The following PRIM2 variants were observed in gnomAD, a reference collection of about 807,000 sequenced individuals.
PRIM2 encodes DNA primase subunit 2, also known as DNA primase large subunit.
A neutral mutation model predicts 67.3 loss-of-function variants in PRIM2; 39 were observed. The observed-to-expected ratio is 0.58, with a 90% CI of 0.45 to 0.76. PRIM2 has a LOEUF of 0.76. PRIM2 is among the 30% of genes least tolerant of loss of function. PRIM2 has a pLI of 0.00. For synonymous variants in PRIM2, 143 were observed against 198.7 expected (o/e 0.72, Z 2.36); for missense variants, 398 against 598.7 (o/e 0.66, Z 3.50).
At chr6:57,488,570 C>T (rs1415297905) in intron 7 of PRIM2, among the ~76,000 whole-genome samples, 70 of 152,310 alleles carry the variant, frequency 4.6e-4, no homozygotes, top group African/African-American at 1.7e-3. Flanking sequence ...GCAAGTGAGA[C>T]CTGTTACCAC....
At chr6:57,532,172 G>C (rs1379532741) in intron 8 of PRIM2, among the ~76,000 whole-genome samples, 5 of 152,166 alleles carry the variant, frequency 3.3e-5, no homozygotes, top group African/African-American at 1.2e-4. Flanking sequence ...AATGGAAGTG[G>C]TGCTCTAGAC....
chr6:57,624,952 AC>A (rs1375344549), intron 12 of PRIM2, among the ~76,000 whole-genome samples: 1 of 152,198 alleles, frequency 6.6e-6, no homozygotes, highest in Non-Finnish European at 1.5e-5. Context: ...GACAAGAGAG[AC>A]AATGAGATCC....
At chr6:57,240,109 T>G in the PRIM2 span, among the ~76,000 whole-genome samples, 3 of 147,114 alleles carry the variant, frequency 2.0e-5, no homozygotes, top group Non-Finnish European at 4.5e-5. Flanking sequence ...TTTTTTTTTT[T>G]TTTTTTTGAG....
intron 10 of PRIM2, among the ~76,000 whole-genome samples, chr6:57,549,378 A>G (rs1332783095): frequency 2.6e-5 from 4 of 152,172 alleles, no homozygotes; most frequent in African/African-American, 7.2e-5. Flanking sequence ...ACCCAGGTCT[A>G]TTTTATTCCA....
intron 12 of PRIM2, among the ~76,000 whole-genome samples, chr6:57,617,935 TTTATCTTC>T (rs1398526510): frequency 1.3e-5 from 2 of 152,188 alleles, no homozygotes; most frequent in East Asian, 3.9e-4. Flanking sequence ...GATGTAGGGG[TTTATCTTC>T]ATTCTTTTGC....
At chr6:57,390,579 CTT>C (rs1770306828) in intron 7 of PRIM2, among the ~76,000 whole-genome samples, 2 of 152,084 alleles carry the variant, frequency 1.3e-5, no homozygotes, top group Admixed American at 6.6e-5. Flanking sequence ...GTCTGTTGTT[CTT>C]TTCTGTGTGT....
chr6:57,298,805 T>C, the PRIM2 span, among the ~76,000 whole-genome samples: 2 of 152,212 alleles, frequency 1.3e-5, no homozygotes, highest in Admixed American at 6.5e-5. Context: ...GAAGCAGTTA[T>C]AGGAGAAAAC....
intron 10 of PRIM2, among the ~76,000 whole-genome samples, chr6:57,580,652 C>T (rs1185882331): frequency 6.6e-6 from 1 of 152,160 alleles, no homozygotes; most frequent in African/African-American, 2.4e-5. Flanking sequence ...TCCAGGGCAT[C>T]TCTGGAATGA....
Position 57,634,710 on chromosome 6 carries a change from G to A in PRIM2, c.1299+2509G>A, listed in dbSNP as rs1199837168. The stretch of plus-strand genomic sequence containing the variant: ...TGTGGCATAATCACCAAAAAGTAAG[G>A]AGTGGTTTTTATTTCTCAAATCTGC... On this transcript the variant is annotated intron_variant, in intron 13 of 13. Coordinates refer to ENST00000615550, the MANE Select transcript of PRIM2 (RefSeq NM_000947.5). Among the ~76,000 whole-genome samples, 960 of 152,310 alleles carry A rather than the reference G, an allele frequency of 6.3e-3. 7 individuals carry two copies. The highest frequency in any genetic ancestry group is 0.056 in the Admixed American group (858 of 15,288).
intron 8 of PRIM2, among the ~76,000 whole-genome samples, chr6:57,527,675 T>C (rs1774788372): frequency 6.6e-6 from 1 of 152,206 alleles, no homozygotes; most frequent in Admixed American, 6.5e-5. Flanking sequence ...GATACAGTCT[T>C]CTCACCATCT....
At chr6:57,578,750 C>T (rs1776016974) in intron 10 of PRIM2, among the ~76,000 whole-genome samples, 1 of 149,390 alleles carries the variant, frequency 6.7e-6, no homozygotes, top group Non-Finnish European at 1.5e-5. Context: ...GATCTCGGCT[C>T]ACTGCAAGCT....
chr6:57,282,319 T>A, the PRIM2 span, among the ~76,000 whole-genome samples: 1 of 152,224 alleles, frequency 6.6e-6, no homozygotes, highest in Non-Finnish European at 1.5e-5. Flanking sequence ...ATTTATTAAT[T>A]CTCTATGCTT....
chr6:57,562,900 C>T lies in PRIM2; in HGVS notation c.1020+25275C>T, dbSNP rs1422240171. On this transcript the variant is annotated intron_variant, in intron 10 of 13. Coordinates refer to ENST00000615550, the MANE Select transcript of PRIM2 (RefSeq NM_000947.5). ...ATATTGGTCCACACCATCACCATCT[C>T]TTATCTAATTATTGCAATAGCTTCC... Among the ~76,000 whole-genome samples the T allele has an allele frequency of 8.5e-5, 13 of 152,290 alleles. No individual in the cohort carries two copies. In the East Asian group the frequency reaches 2.3e-3, roughly 27 times the overall value.
intron 7 of PRIM2, among the ~76,000 whole-genome samples, chr6:57,438,755 T>C (rs1222001047): frequency 2.0e-5 from 3 of 152,248 alleles, no homozygotes; most frequent in South Asian, 2.1e-4. Context: ...ATTGTGCATG[T>C]AGTTTTCGGC....
intron 12 of PRIM2, among the ~76,000 whole-genome samples, chr6:57,618,815 C>A (rs1776799385): frequency 6.6e-6 from 1 of 151,974 alleles, no homozygotes; most frequent in African/African-American, 2.4e-5. Context: ...TAGCCCCACC[C>A]CCACCTGACA....
At chr6:57,334,841 T>C (rs907745054) in intron 5 of PRIM2, among the ~76,000 whole-genome samples, 1 of 152,124 alleles carries the variant, frequency 6.6e-6, no homozygotes. Context: ...ATTGATATGT[T>C]TTTACTGCAA....
intron 7 of PRIM2, among the ~76,000 whole-genome samples, chr6:57,386,001 CAT>C (rs1460405735): frequency 2.7e-5 from 4 of 150,214 alleles, no homozygotes; most frequent in Non-Finnish European, 4.4e-5. Context: ...TTTTGGAAAA[CAT>C]ATTTCTGTTG....
At chr6:57,264,592 C>T in the PRIM2 span, among the ~76,000 whole-genome samples, 6 of 145,064 alleles carry the variant, frequency 4.1e-5, no homozygotes, top group South Asian at 4.3e-4. Context: ...AAAAGTCAAA[C>T]GCTTTTTTTT....
chr6:57,590,541 G>A (rs1776266357), intron 10 of PRIM2, among the ~76,000 whole-genome samples: 1 of 152,144 alleles, frequency 6.6e-6, no homozygotes, highest in South Asian at 2.1e-4. Flanking sequence ...CGGGTAAGGG[G>A]ATTCTGGTTA....
Sources: gnomAD v4.1 joint callset for allele counts (sites outside exome capture counted in the v4.1 genomes callset) on GRCh38, gnomAD v4.1.1 for gene constraint, MANE v1.5 for transcripts, NCBI Gene and HGNC (gene_info 2026-07-23, HGNC 2026-07-21) for gene names.